LRCH2: variants seen among roughly 807,000 people sequenced by gnomAD.
The protein encoded by LRCH2 is leucine-rich repeat and calponin homology domain-containing protein 2.
A neutral mutation model predicts 68.9 loss-of-function variants in LRCH2; 38 were observed. The observed-to-expected ratio is 0.55, with a 90% CI of 0.43 to 0.72. LRCH2 has a LOEUF of 0.72. Ranked by LOEUF, LRCH2 falls within the 30% of genes least tolerant of loss-of-function variation. The pLI is 0.00. For missense variants in LRCH2, 528 were observed against 572.9 expected (o/e 0.92, Z 0.80); for synonymous variants, 191 against 208.1 (o/e 0.92, Z 0.71).
chrX:115,182,605 A>T (rs2072700804), intron 3 of LRCH2, among the ~76,000 whole-genome samples: 1 of 111,108 alleles, frequency 9.0e-6, no homozygotes, highest in South Asian at 3.8e-4. Context: ...AGACCGAGGC[A>T]GGTGGATCAC....
chrX:115,153,359 T>C (rs2072448385), intron 12 of LRCH2, among the ~76,000 whole-genome samples: 2 of 109,405 alleles, frequency 1.8e-5, no homozygotes, highest in African/African-American at 6.7e-5. Context: ...TTTTCAGACA[T>C]AGAAAAGCTA....
At chrX:115,190,645 G>A (rs1287136853) in intron 1 of LRCH2, 38 of 1,156,765 alleles carry the variant, frequency 3.3e-5, no homozygotes, top group East Asian at 2.0e-4. Flanking sequence ...CGCCCACAGC[G>A]GGGGCCGCAA....
chrX:115,189,123 A>T (rs1275739820), intron 1 of LRCH2, among the ~76,000 whole-genome samples: 3 of 111,737 alleles, frequency 2.7e-5, no homozygotes, highest in African/African-American at 9.8e-5. Context: ...ACATCCACCA[A>T]TGTAACCAAC....
chrX:115,170,327 G>A lies in LRCH2; in HGVS notation c.970C>T (p.Arg324Ter), dbSNP rs782545649. Residue 324 changes from arginine (R) to a stop codon, truncating the protein, a stop_gained, in exon 6 of 21, where the codon CGA (arginine) becomes TGA (stop). Coordinates refer to ENST00000317135, the MANE Select transcript of LRCH2 (RefSeq NM_020871.4). LOFTEE classifies it high-confidence loss of function. ...DSLDLPSLSK[R>*]MPSQPLTDSM... is the part of the protein sequence containing the mutation. ...TCTGTGAGAGGCTGTGAGGGCATTCGTTTACTCAATGATGGAAGATCCAGG... is the reference window on the plus strand; with the variant it reads ...TCTGTGAGAGGCTGTGAGGGCATTCATTTACTCAATGATGGAAGATCCAGG... 8.5e-7 allele frequency: 1 copy of A among 1,180,176 alleles called. No individual in the cohort carries two copies. The highest frequency in any genetic ancestry group is 1.1e-6 in the Non-Finnish European group (1 of 879,810).
intron 20 of LRCH2, 54 bp from the exon 21 acceptor site, chrX:115,113,389 T>C (rs1484718839): frequency 2.0e-6 from 2 of 991,559 alleles, no homozygotes; most frequent in African/African-American, 3.8e-5. Context: ...TGTAATAAAA[T>C]TAAGTCAGAA....
chrX:115,192,094 C>T (rs1010621570), intron 1 of LRCH2: 2 of 1,167,097 alleles, frequency 1.7e-6, no homozygotes, highest in Admixed American at 2.6e-5. Context: ...CAGCGGGGAC[C>T]ACTACACCGA....
chrX:115,191,508 C>T lies in LRCH2; in HGVS notation c.350-3138G>A, dbSNP rs782808851. ...GTGGAGGCCGCTCGCCTGATGCCTA[C>T]AGTGGGGGCCACGACAGTTCCAGCC... On this transcript the variant is annotated intron_variant, in intron 1 of 20. Transcript: ENST00000317135. 3.5e-5 allele frequency: 40 copies of T among 1,154,245 alleles called. No homozygotes were observed. In the South Asian group the frequency reaches 6.2e-4, roughly 18 times the overall value.
chrX:115,133,183 G>A, intron 14 of LRCH2, among the ~76,000 whole-genome samples: 1 of 112,337 alleles, frequency 8.9e-6, no homozygotes, highest in East Asian at 2.8e-4. Context: ...GATTGACTTT[G>A]CAAGATGCAA....
rs782097969 is a variant in LRCH2, at chrX:115,150,434, G to T, written c.1530-364C>A. On this transcript the variant is annotated intron_variant, in intron 12 of 20. Coordinates refer to ENST00000317135, the MANE Select transcript of LRCH2 (RefSeq NM_020871.4). ...CTAAAAAAAACTAATAATTTCCTTT[G>T]TCTAAATGCCAAAGAGCTCAAGCGA... Among the ~76,000 whole-genome samples, 4 of 110,790 alleles carry T rather than the reference G, an allele frequency of 3.6e-5. No homozygotes were observed. The East Asian group carries it at 1.1e-3, about 31-fold the overall frequency.
intron 1 of LRCH2, among the ~76,000 whole-genome samples, chrX:115,218,646 A>G (rs1454873214): frequency 8.9e-6 from 1 of 112,323 alleles, no homozygotes; most frequent in African/African-American, 3.2e-5. Flanking sequence ...ACTTCACTTT[A>G]GGCTCTGTTT....
At chrX:115,213,240 T>G (rs1232767694) in intron 1 of LRCH2, among the ~76,000 whole-genome samples, 1 of 112,127 alleles carries the variant, frequency 8.9e-6, no homozygotes, top group East Asian at 2.8e-4. Flanking sequence ...CATGGTGAAC[T>G]GTCTTTGAAC....
At chrX:115,215,539 G>C (rs1488051968) in intron 1 of LRCH2, among the ~76,000 whole-genome samples, 1 of 109,878 alleles carries the variant, frequency 9.1e-6, no homozygotes, top group Non-Finnish European at 1.9e-5. Context: ...TTGAGGTCAG[G>C]AGTTCAAGAC....
chrX:115,192,551 A>G, intron 1 of LRCH2: 1 of 1,169,633 alleles, frequency 8.5e-7, no homozygotes, highest in Non-Finnish European at 1.1e-6. Flanking sequence ...CCTCCCCTGC[A>G]TGATTCTTAC....
At chrX:115,141,265 A>T (rs2072336337) in intron 14 of LRCH2, among the ~76,000 whole-genome samples, 1 of 110,004 alleles carries the variant, frequency 9.1e-6, no homozygotes, top group South Asian at 4.0e-4. Context: ...AAGGTTGAGG[A>T]TAGTGCCTGT....
chrX:115,189,891 C>T (rs782670357), intron 1 of LRCH2: 299 of 1,161,458 alleles, frequency 2.6e-4, no homozygotes, highest in African/African-American at 2.3e-3. Flanking sequence ...CCAGGAAGCG[C>T]GGGCCGCCAC....
chrX:115,194,402 T>A (rs1556562571), intron 1 of LRCH2, among the ~76,000 whole-genome samples: 2 of 112,002 alleles, frequency 1.8e-5, no homozygotes. Context: ...GAAAGTGAAG[T>A]CACTGTTTTT....
chrX:115,232,214 G>T (rs782630200), intron 1 of LRCH2, among the ~76,000 whole-genome samples: 2 of 105,477 alleles, frequency 1.9e-5, no homozygotes, highest in East Asian at 5.9e-4. Context: ...TTGTCCTGCA[G>T]GTAGAAGGAT....
At chrX:115,176,662 T>C (rs1172151374) in intron 5 of LRCH2, among the ~76,000 whole-genome samples, 2 of 111,639 alleles carry the variant, frequency 1.8e-5, no homozygotes, top group Non-Finnish European at 3.8e-5. Context: ...GCCTTTGGTG[T>C]TTTGGTCTCT....
rs1231808234 is a variant in LRCH2, at chrX:115,223,948, A to G, written c.349+9745T>C. ...TCTCGAAAAAAAAAAAAGAAGAAGA[A>G]GAAGGAAAGAAATACTGCCTCATAC... On this transcript the variant is annotated intron_variant, in intron 1 of 20. Coordinates refer to ENST00000317135, the MANE Select transcript of LRCH2 (RefSeq NM_020871.4). 2.7e-5 allele frequency among the ~76,000 whole-genome samples: 3 copies of G among 110,392 alleles called. No individual in the cohort carries two copies. In the Admixed American group the frequency reaches 2.9e-4, roughly 11 times the overall value.
Sources: allele counts gnomAD v4.1 joint callset (sites outside exome capture counted in the v4.1 genomes callset), GRCh38; gene constraint gnomAD v4.1.1; transcripts MANE v1.5; gene names NCBI Gene and HGNC (gene_info 2026-07-23, HGNC 2026-07-21).